Variants in MDGA2 observed in about 807,000 individuals in gnomAD.
MDGA2 encodes the protein MAM domain containing glycosylphosphatidylinositol anchor 2, also known as MAM domain-containing glycosylphosphatidylinositol anchor protein 2.
Under a neutral mutation model 117.8 loss-of-function variants are expected in MDGA2, and 40 were observed. That is an observed-to-expected ratio of 0.34 (90% CI 0.26 to 0.44). The LOEUF (loss-of-function observed/expected upper bound fraction) is 0.44, where lower values mean the gene tolerates loss of function less well. Among genes scored for constraint, MDGA2 ranks in the 20% least tolerant of loss-of-function variants. MDGA2 has a pLI of 1.00. For synonymous variants in MDGA2, 452 were observed against 439.0 expected, an observed-to-expected ratio of 1.03 and a Z score of -0.37; for missense variants, 1,123 against 1,250.6, an observed-to-expected ratio of 0.90 and a Z score of 1.54.
chr14:47,169,320 ATAAT>A (rs995032542), intron 3 of MDGA2, among the ~76,000 whole-genome samples: 7 of 151,904 alleles, frequency 4.6e-5, no homozygotes, highest in African/African-American at 1.2e-4. Context: ...AGATATTTCT[ATAAT>A]TAATTAATTA....
chr14:47,535,905 G>C (rs1282995328), intron 1 of MDGA2, among the ~76,000 whole-genome samples: 1 of 152,188 alleles, frequency 6.6e-6, no homozygotes, highest in Non-Finnish European at 1.5e-5. Context: ...GCTGGGGATT[G>C]GCTGGTCTAG....
intron 3 of MDGA2, among the ~76,000 whole-genome samples, chr14:47,201,483 C>G (rs1389103299): frequency 2.0e-5 from 3 of 152,174 alleles, no homozygotes; most frequent in Non-Finnish European, 4.4e-5. Flanking sequence ...ACCTACTCAT[C>G]AACCTGACTG....
chr14:47,213,967 T>C (rs991808635), intron 3 of MDGA2, among the ~76,000 whole-genome samples: 2 of 152,132 alleles, frequency 1.3e-5, no homozygotes. Context: ...AGTACCTTTT[T>C]GGCGAGTAGT....
intron 1 of MDGA2, among the ~76,000 whole-genome samples, chr14:47,567,743 T>A (rs1479498998): frequency 1.3e-5 from 2 of 152,192 alleles, no homozygotes; most frequent in Non-Finnish European, 2.9e-5. Context: ...TCTAAGAGTG[T>A]TCCACTAAAC....
intron 1 of MDGA2, among the ~76,000 whole-genome samples, chr14:47,345,908 A>G (rs1193477473): frequency 6.6e-6 from 1 of 152,114 alleles, no homozygotes; most frequent in East Asian, 1.9e-4. Flanking sequence ...AGTAAAAAGT[A>G]GAACAGAGGA....
In MDGA2 at chr14:47,284,547, C is replaced by T. The variant is rs183129709; in HGVS notation, c.420+16864G>A. Among the ~76,000 whole-genome samples, 764 of 152,224 alleles carry T rather than the reference C, an allele frequency of 5.0e-3. 4 individuals are homozygous for T. The highest frequency in any genetic ancestry group is 5.9e-3 in the Non-Finnish European group (401 of 68,010). On this transcript the variant is annotated intron_variant, in intron 2 of 16. Transcript: ENST00000399232. The stretch of plus-strand genomic sequence containing the variant: ...AAAGTTTTTGCTTGTCAACCTGATA[C>T]TATTTGGTTTCTTGGTTGACTTGCA...
intron 1 of MDGA2, among the ~76,000 whole-genome samples, chr14:47,488,407 C>T (rs888428505): frequency 6.6e-6 from 1 of 152,046 alleles, no homozygotes; most frequent in African/African-American, 2.4e-5. Context: ...TTTGACATCC[C>T]ACCTCCTATA....
chr14:47,616,204 A>G (rs1000856752), intron 1 of MDGA2, among the ~76,000 whole-genome samples: 2 of 152,214 alleles, frequency 1.3e-5, no homozygotes, highest in Non-Finnish European at 2.9e-5. Context: ...CAGGAGAACC[A>G]AAGTAAGTGT....
In MDGA2 at chr14:47,459,541, C is replaced by A. The variant is rs557016733; in HGVS notation, c.281-157991G>T. Among the ~76,000 whole-genome samples, 95 of 150,158 alleles carry A rather than the reference C, an allele frequency of 6.3e-4. 1 individual carries two copies. The highest frequency in any genetic ancestry group is 2.2e-3 in the African/African-American group (91 of 40,902). On this transcript the variant is annotated intron_variant, in intron 1 of 16. Coordinates refer to ENST00000399232, the MANE Select transcript of MDGA2 (RefSeq NM_001113498.3). ...CTCTCTTCCTCCCTCCCTTCTCTTT[C>A]TTTCTTCCTTCCTTCCTTCTTTCCT... is the stretch of plus-strand genomic sequence containing the variant.
chr14:47,147,410 A>G (rs1292881963), intron 3 of MDGA2, among the ~76,000 whole-genome samples: 2 of 152,172 alleles, frequency 1.3e-5, no homozygotes, highest in African/African-American at 4.8e-5. Flanking sequence ...GTTGAACTAC[A>G]AAAGGTCTCA....
intron 1 of MDGA2, among the ~76,000 whole-genome samples, chr14:47,551,272 G>C (rs983365595): frequency 6.6e-6 from 1 of 152,182 alleles, no homozygotes; most frequent in South Asian, 2.1e-4. Context: ...TTTTATCACA[G>C]ACCAGCCTTT....
chr14:46,840,042 A>T (rs1460754661), downstream of MDGA2: 1 of 152,424 alleles, frequency 6.6e-6, no homozygotes, highest in East Asian at 1.9e-4. Flanking sequence ...AACTAATTTC[A>T]TTTTAGTGAT....
intron 1 of MDGA2, among the ~76,000 whole-genome samples, chr14:47,624,892 T>C (rs201044649): frequency 2.6e-5 from 4 of 152,218 alleles, no homozygotes; most frequent in East Asian, 1.9e-4. Flanking sequence ...TTTGAATATA[T>C]GATTTTAATC....
chr14:47,534,515 A>G (rs2138739676), intron 1 of MDGA2, among the ~76,000 whole-genome samples: 1 of 152,314 alleles, frequency 6.6e-6, no homozygotes, highest in East Asian at 1.9e-4. Flanking sequence ...ACATAGCAGC[A>G]AGTGAGAGAG....
intron 1 of MDGA2, among the ~76,000 whole-genome samples, chr14:47,625,907 A>C (rs1897131070): frequency 6.6e-6 from 1 of 152,114 alleles, no homozygotes; most frequent in South Asian, 2.1e-4. Flanking sequence ...CTTTTGCCCC[A>C]TGTTCTTTTG....
chr14:46,861,988 A>C (rs1881527971), intron 14 of MDGA2, among the ~76,000 whole-genome samples: 2 of 152,068 alleles, frequency 1.3e-5, no homozygotes, highest in South Asian at 4.1e-4. Context: ...AGTAAAAAAA[A>C]CTCTGAAGTG....
chr14:46,911,362 T>C (rs1003724955), intron 10 of MDGA2, among the ~76,000 whole-genome samples: 3 of 152,210 alleles, frequency 2.0e-5, no homozygotes, highest in African/African-American at 7.2e-5. Flanking sequence ...TACTGAGTAG[T>C]TGTACAGCAG....
At chr14:47,261,842 G>C (rs1887806746) in intron 2 of MDGA2, among the ~76,000 whole-genome samples, 1 of 152,102 alleles carries the variant, frequency 6.6e-6, no homozygotes, top group Admixed American at 6.6e-5. Flanking sequence ...CAGCAACCTA[G>C]GAAAGAGTGC....
At chr14:47,050,621 A>T (rs1889424395) in intron 7 of MDGA2, among the ~76,000 whole-genome samples, 1 of 152,006 alleles carries the variant, frequency 6.6e-6, no homozygotes, top group South Asian at 2.1e-4. Flanking sequence ...TGTTAATATA[A>T]TGCTACTCAT....
Sources: gnomAD v4.1 joint callset for allele counts (sites outside exome capture counted in the v4.1 genomes callset) on GRCh38, gnomAD v4.1.1 for gene constraint, MANE v1.5 for transcripts, NCBI Gene and HGNC (gene_info 2026-07-23, HGNC 2026-07-21) for gene names.